Variants in STXBP4 observed in about 807,000 individuals in gnomAD.
STXBP4 encodes syntaxin-binding protein 4.
In STXBP4, 55 loss-of-function variants were observed where a neutral mutation model predicts 76.1. That is an observed-to-expected ratio of 0.72 (90% CI 0.58 to 0.91). STXBP4 has a LOEUF of 0.91. STXBP4 is among the 40% of genes least tolerant of loss of function. The pLI is 0.00. For synonymous variants in STXBP4, 201 were observed against 220.2 expected, an observed-to-expected ratio of 0.91 and a Z score of 0.77; for missense variants, 618 against 636.9, an observed-to-expected ratio of 0.97 and a Z score of 0.32.
chr17:55,020,821 A>C (rs909168850), intron 8 of STXBP4, among the ~76,000 whole-genome samples: 2 of 152,222 alleles, frequency 1.3e-5, no homozygotes, highest in East Asian at 3.8e-4. Flanking sequence ...CCATCTCAGA[A>C]AATAAAAATT....
chr17:54,996,933 A>G lies in STXBP4; in HGVS notation c.181-2412A>G, dbSNP rs1436070443. 5.3e-5 allele frequency among the ~76,000 whole-genome samples: 8 copies of G among 152,336 alleles called. No homozygotes were observed. In the East Asian group the frequency reaches 1.5e-3, roughly 29 times the overall value. On this transcript the variant is annotated intron_variant, in intron 4 of 17. Coordinates refer to ENST00000376352, the MANE Select transcript of STXBP4 (RefSeq NM_178509.6). Reference sequence around the variant, plus strand: ...AACAGAAGTGTTTATGTGGTCAGGAATATATTATTATTTCAACATCTACAT... The same window carrying G: ...AACAGAAGTGTTTATGTGGTCAGGAGTATATTATTATTTCAACATCTACAT...
chr17:55,052,304 G>T (rs1368957803), intron 12 of STXBP4, among the ~76,000 whole-genome samples: 2 of 152,138 alleles, frequency 1.3e-5, no homozygotes, highest in Non-Finnish European at 2.9e-5. Context: ...TAGCTTGAAG[G>T]GGCTTCCACT....
intron 17 of STXBP4, among the ~76,000 whole-genome samples, chr17:55,155,491 C>T (rs1299489615): frequency 6.7e-6 from 1 of 150,248 alleles, no homozygotes; most frequent in Non-Finnish European, 1.5e-5. Flanking sequence ...TATATAAATA[C>T]TATATGCATA....
downstream of STXBP4, among the ~76,000 whole-genome samples, chr17:55,177,373 T>A (rs1359260054): frequency 8.5e-5 from 13 of 152,190 alleles, no homozygotes; most frequent in South Asian, 6.2e-4. Context: ...ACAGCAATAA[T>A]CAGGCCTGTC....
At chr17:55,192,620 A>T in the STXBP4 span, among the ~76,000 whole-genome samples, 1 of 152,236 alleles carries the variant, frequency 6.6e-6, no homozygotes, top group African/African-American at 2.4e-5. Context: ...TCCAAGATGT[A>T]TGATTAGCCC....
rs545111566 is a variant in STXBP4 at position 54,995,658 on chromosome 17, C to T, written c.181-3687C>T. Among the ~76,000 whole-genome samples, 13 of 152,242 alleles carry T rather than the reference C, an allele frequency of 8.5e-5. 1 individual carries two copies. In the Middle Eastern group the frequency reaches 0.024, roughly 279 times the overall value. On this transcript the variant is annotated intron_variant, in intron 4 of 17. Transcript: ENST00000376352. ...CTTTCAGAGGAAATCTGTTTTCATG[C>T]GGAGCATAGCACTGGAACCAGGGCT...
downstream of STXBP4, among the ~76,000 whole-genome samples, chr17:55,175,392 C>A (rs2080426171): frequency 6.6e-6 from 1 of 152,180 alleles, no homozygotes; most frequent in East Asian, 1.9e-4. Context: ...TATAATAAGG[C>A]AGCAATCTGG....
chr17:54,978,592 A>G (rs2077503768), intron 1 of STXBP4, among the ~76,000 whole-genome samples: 1 of 152,194 alleles, frequency 6.6e-6, no homozygotes, highest in Non-Finnish European at 1.5e-5. Flanking sequence ...AAAATAACAT[A>G]AAGGGTAAAA....
chr17:55,078,309 A>G, intron 14 of STXBP4, 115 bp downstream of exon 14: 1 of 677,102 alleles, frequency 1.5e-6, no homozygotes, highest in South Asian at 2.0e-5. Context: ...TCAAAGCAGC[A>G]ATGCTGGCTT....
intron 8 of STXBP4, among the ~76,000 whole-genome samples, chr17:55,011,567 G>C (rs1216578507): frequency 7.8e-6 from 1 of 128,960 alleles, no homozygotes; most frequent in Non-Finnish European, 1.5e-5. Context: ...CAAAGGGAGG[G>C]GACCCAAAGA....
intron 16 of STXBP4, among the ~76,000 whole-genome samples, chr17:55,104,927 A>G (rs1211467583): frequency 6.6e-6 from 1 of 152,130 alleles, no homozygotes; most frequent in African/African-American, 2.4e-5. Flanking sequence ...AGGTGTTTAT[A>G]GTATTCTCTC....
Position 55,162,116 on chromosome 17 carries a change from G to C in STXBP4, c.*2205G>C, listed in dbSNP as rs748868443. On this transcript the variant is annotated 3_prime_UTR_variant, in exon 18 of 18. Coordinates refer to ENST00000376352, the MANE Select transcript of STXBP4 (RefSeq NM_178509.6). ...CTTACTTGGGGAATGTTGCTGAGGAGGTTCAGTGTGTGAATGGACTGAACC... is the reference window on the plus strand; with the variant it reads ...CTTACTTGGGGAATGTTGCTGAGGACGTTCAGTGTGTGAATGGACTGAACC... The C allele has an allele frequency of 1.4e-4, 22 of 152,202 alleles. No homozygotes were observed. Among genetic ancestry groups the C allele is most frequent in the African/African-American group, 1.9e-4 (8 of 41,450 alleles). 9.4% of individuals were successfully genotyped at this position (152,202 alleles called of 1,614,324 possible).
At chr17:55,194,085 A>C in the STXBP4 span, among the ~76,000 whole-genome samples, 4 of 152,214 alleles carry the variant, frequency 2.6e-5, no homozygotes, top group African/African-American at 9.6e-5. Flanking sequence ...AGCACCTTAC[A>C]CATATGCCTG....
chr17:55,192,208 A>T, the STXBP4 span, among the ~76,000 whole-genome samples: 1 of 152,192 alleles, frequency 6.6e-6, no homozygotes, highest in African/African-American at 2.4e-5. Context: ...CATCTCTATT[A>T]TTGATAAACT....
the STXBP4 span, among the ~76,000 whole-genome samples, chr17:55,204,833 C>CACACACACACACACACACACAT: frequency 4.9e-5 from 6 of 123,106 alleles, no homozygotes; most frequent in African/African-American, 1.4e-4. Context: ...CACACACACA[C>CACACACACACACACACACACAT]ACACACACAC....
intron 3 of STXBP4, among the ~76,000 whole-genome samples, chr17:54,988,590 A>G (rs1406953336): frequency 6.6e-6 from 1 of 152,140 alleles, no homozygotes; most frequent in African/African-American, 2.4e-5. Context: ...CCTGGCCAAC[A>G]TGGTGAAACC....
intron 16 of STXBP4, among the ~76,000 whole-genome samples, chr17:55,084,697 T>G (rs988017302): frequency 6.6e-5 from 10 of 152,096 alleles, no homozygotes; most frequent in African/African-American, 2.4e-4. Context: ...GCTTTCTACA[T>G]ATGGCTAGCC....
At chr17:55,185,278 T>C in the STXBP4 span, among the ~76,000 whole-genome samples, 34 of 89,116 alleles carry the variant, frequency 3.8e-4, no homozygotes, top group African/African-American at 1.4e-3. Context: ...TCCTTCTCCT[T>C]CTCCTTCTCC....
rs2080380037 is a variant in STXBP4, at chr17:55,166,876, C to T, written c.*6965C>T. 6.6e-6 allele frequency: 1 copy of T among 152,244 alleles called. No homozygotes were observed. The highest frequency in any genetic ancestry group is 1.9e-4 in the East Asian group (1 of 5,206). 9.4% of individuals were successfully genotyped at this position (152,244 alleles called of 1,614,324 possible). A position where few individuals can be genotyped will look rare whatever the true frequency, so the allele number is the denominator to read the frequency against. On this transcript the variant is annotated 3_prime_UTR_variant, in exon 18 of 18. Transcript: ENST00000376352. ...AAATCTGGTTCTACCTTCTCTTTCT[C>T]CATGTGGTAATGAAAACCGGAACTC...
Sources: gnomAD v4.1 joint callset for allele counts (sites outside exome capture counted in the v4.1 genomes callset) on GRCh38, gnomAD v4.1.1 for gene constraint, MANE v1.5 for transcripts, NCBI Gene and HGNC (gene_info 2026-07-23, HGNC 2026-07-21) for gene names.